Variants in CSMD1 observed in about 807,000 individuals in gnomAD.
CSMD1 encodes CUB and sushi domain-containing protein 1.
A neutral mutation model predicts 417.5 loss-of-function variants in CSMD1; 213 were observed. That is an observed-to-expected ratio of 0.51 (90% CI 0.46 to 0.57). CSMD1 has a LOEUF of 0.57. Ranked by LOEUF, CSMD1 falls within the 20% of genes least tolerant of loss-of-function variation. The pLI is 0.00. For missense variants in CSMD1, 6,923 were observed against 4,529.7 expected (o/e 1.53, Z -15.17); for synonymous variants, 2,862 against 1,736.8 (o/e 1.65, Z -16.11).
chr8:4,827,117 G>C (rs1291585583), intron 1 of CSMD1, among the ~76,000 whole-genome samples: 2 of 152,078 alleles, frequency 1.3e-5, no homozygotes, highest in Non-Finnish European at 2.9e-5. Flanking sequence ...GTGTGAAGCA[G>C]AATCAATCAG....
intron 18 of CSMD1, among the ~76,000 whole-genome samples, chr8:3,384,270 T>C (rs1200105469): frequency 6.6e-6 from 1 of 152,202 alleles, no homozygotes; most frequent in Non-Finnish European, 1.5e-5. Context: ...TGAATCTTTA[T>C]ATCTTCAATC....
intron 49 of CSMD1, among the ~76,000 whole-genome samples, chr8:3,061,104 G>A (rs17079225): frequency 0.04 from 6,085 of 152,202 alleles, 405 homozygotes; most frequent in African/African-American, 0.14. Flanking sequence ...CATAGATTTA[G>A]ACATAGCAAA....
chr8:3,522,356 G>A (rs1226735561), intron 10 of CSMD1, among the ~76,000 whole-genome samples: 1 of 152,188 alleles, frequency 6.6e-6, no homozygotes, highest in Non-Finnish European at 1.5e-5. Flanking sequence ...ACATTTAAAG[G>A]AATGTATGTC....
chr8:3,256,111 T>G (rs931155153), intron 26 of CSMD1, among the ~76,000 whole-genome samples: 3 of 152,028 alleles, frequency 2.0e-5, no homozygotes, highest in Non-Finnish European at 1.5e-5. Context: ...ACCAATCACC[T>G]GAGGTCAGGA....
chr8:3,000,194 A>C, intron 52 of CSMD1, 63 bp from the exon 53 acceptor site: 1 of 1,239,594 alleles, frequency 8.1e-7, no homozygotes, highest in Non-Finnish European at 1.1e-6. Flanking sequence ...TAGTACATTC[A>C]CAACTTTTAT....
intron 26 of CSMD1, among the ~76,000 whole-genome samples, chr8:3,240,298 G>C (rs1171787089): frequency 6.6e-6 from 1 of 152,162 alleles, no homozygotes; most frequent in African/African-American, 2.4e-5. Flanking sequence ...GGAAAGAGGA[G>C]TGGGGAAAGG....
chr8:4,631,614 G>C (rs552098061), intron 2 of CSMD1, among the ~76,000 whole-genome samples: 1 of 152,082 alleles, frequency 6.6e-6, no homozygotes, highest in Non-Finnish European at 1.5e-5. Flanking sequence ...GTCATGGTGT[G>C]TAACCTAACT....
intron 7 of CSMD1, among the ~76,000 whole-genome samples, chr8:3,620,449 G>A (rs1231177882): frequency 6.6e-6 from 1 of 152,038 alleles, no homozygotes; most frequent in African/African-American, 2.4e-5. Context: ...AAAGATAAAT[G>A]CATAAAATAA....
At chr8:4,567,233 G>C (rs978323088) in intron 2 of CSMD1, among the ~76,000 whole-genome samples, 1 of 152,122 alleles carries the variant, frequency 6.6e-6, no homozygotes. Flanking sequence ...TTGAATATAA[G>C]TGAGTGAATG....
At chr8:4,609,227 C>G (rs1358645818) in intron 2 of CSMD1, among the ~76,000 whole-genome samples, 1 of 152,106 alleles carries the variant, frequency 6.6e-6, no homozygotes, top group Non-Finnish European at 1.5e-5. Context: ...TGGTGAAACC[C>G]TGTATCTACA....
At chr8:4,931,319 G>A (rs138903375) in intron 1 of CSMD1, among the ~76,000 whole-genome samples, 6 of 151,904 alleles carry the variant, frequency 3.9e-5, no homozygotes, top group South Asian at 2.1e-4. Flanking sequence ...CCTTCTGGTC[G>A]CTACGAGGAG....
At chr8:4,890,393 C>A (rs939419570) in intron 1 of CSMD1, among the ~76,000 whole-genome samples, 2 of 151,904 alleles carry the variant, frequency 1.3e-5, no homozygotes, top group African/African-American at 2.4e-5. Flanking sequence ...CAGCCATGGG[C>A]ATCCTGGGCA....
At chr8:4,540,605 G>A (rs1221482159) in intron 2 of CSMD1, among the ~76,000 whole-genome samples, 1 of 152,102 alleles carries the variant, frequency 6.6e-6, no homozygotes, top group South Asian at 2.1e-4. Flanking sequence ...CACTATAACA[G>A]AAGTGAAAAT....
At chr8:3,635,587 C>A (rs1302981902) in intron 7 of CSMD1, among the ~76,000 whole-genome samples, 2 of 150,844 alleles carry the variant, frequency 1.3e-5, no homozygotes, top group Admixed American at 6.6e-5. Flanking sequence ...AGGTTCACGC[C>A]ATTCTCCTGC....
intron 10 of CSMD1, among the ~76,000 whole-genome samples, chr8:3,512,215 C>T (rs948521962): frequency 7.9e-5 from 12 of 152,220 alleles, no homozygotes; most frequent in Admixed American, 1.3e-4. Context: ...AATTTACCAC[C>T]GCTCCTCGCG....
chr8:4,325,677 G>T (rs1799519128), intron 3 of CSMD1, among the ~76,000 whole-genome samples: 1 of 152,142 alleles, frequency 6.6e-6, no homozygotes, highest in South Asian at 2.1e-4. Context: ...CATCTCTAGG[G>T]CCAGAAAGCG....
chr8:4,152,376 G>A (rs917326173), intron 3 of CSMD1, among the ~76,000 whole-genome samples: 3 of 152,088 alleles, frequency 2.0e-5, no homozygotes, highest in Non-Finnish European at 4.4e-5. Flanking sequence ...ATGTACTAAT[G>A]TTTTTAAAAT....
At chr8:4,937,602 T>C (rs10113212) in intron 1 of CSMD1, among the ~76,000 whole-genome samples, 37,278 of 152,160 alleles carry the variant, frequency 0.24, 4,693 homozygotes, top group East Asian at 0.38. Flanking sequence ...GTCCCCTAAA[T>C]ACCTTGGCAG....
chr8:4,084,508 CTGTTTT>C (rs1563103102), intron 3 of CSMD1, among the ~76,000 whole-genome samples: 2 of 151,924 alleles, frequency 1.3e-5, no homozygotes, highest in Non-Finnish European at 2.9e-5. Flanking sequence ...CATTTTAATC[CTGTTTT>C]TATTTTTCCT....
Sources: allele counts gnomAD v4.1 joint callset (sites outside exome capture counted in the v4.1 genomes callset), GRCh38; gene constraint gnomAD v4.1.1; transcripts MANE v1.5; gene names NCBI Gene and HGNC (gene_info 2026-07-23, HGNC 2026-07-21).